The following FGGY variants were observed in gnomAD, a reference collection of about 807,000 sequenced individuals.
The protein encoded by FGGY is FGGY carbohydrate kinase domain-containing protein.
A neutral mutation model predicts 71.3 loss-of-function variants in FGGY; 72 were observed. The ratio of observed to expected loss-of-function variants is 1.01; its 90% CI spans 0.84 to 1.23. The LOEUF (loss-of-function observed/expected upper bound fraction) is 1.23. Among genes scored for constraint, FGGY ranks in the 50% most tolerant of loss-of-function variants. FGGY has a pLI of 0.00. For synonymous variants in FGGY, 251 were observed against 250.3 expected (o/e 1.00, Z -0.02); for missense variants, 668 against 682.3 (o/e 0.98, Z 0.23).
chr1:59,715,129 A>G (rs1447947177), intron 14 of FGGY, among the ~76,000 whole-genome samples: 1 of 152,208 alleles, frequency 6.6e-6, no homozygotes, highest in African/African-American at 2.4e-5. Flanking sequence ...TGGGTTTGTT[A>G]AGAGTCAGGG....
intron 4 of FGGY, among the ~76,000 whole-genome samples, chr1:59,369,234 T>TA (rs748883104): frequency 1.6e-4 from 24 of 152,114 alleles, no homozygotes; most frequent in Non-Finnish European, 3.4e-4. Flanking sequence ...CCGACGGGCT[T>TA]AAAAAACGGC....
intron 8 of FGGY, among the ~76,000 whole-genome samples, chr1:59,595,478 C>T (rs1258614238): frequency 6.6e-6 from 1 of 152,124 alleles, no homozygotes; most frequent in East Asian, 1.9e-4. Context: ...ATCACAAGGT[C>T]AGGAGTTCGA....
At chr1:59,726,309 A>C (rs1312504143) in intron 14 of FGGY, among the ~76,000 whole-genome samples, 1 of 151,924 alleles carries the variant, frequency 6.6e-6, no homozygotes, top group Non-Finnish European at 1.5e-5. Flanking sequence ...TTCCTTTTAC[A>C]CGTTGTTGGA....
rs143134033 is a variant in FGGY at position 59,679,430 on chromosome 1, G to A, written c.1512+5297G>A. 6.0e-5 allele frequency among the ~76,000 whole-genome samples: 9 copies of A among 151,004 alleles called. No homozygotes were observed. In the East Asian group the frequency reaches 7.9e-4, roughly 13 times the overall value. ...AGAGGTTAGAAAAAACTGAAATACC[G>A]TAGATGTTCAGAAGTATGAAACCAT... On this transcript the variant is annotated intron_variant, in intron 14 of 15. Transcript: ENST00000303721.
intron 15 of FGGY, among the ~76,000 whole-genome samples, chr1:59,762,182 C>T (rs1057238623): frequency 8.0e-5 from 12 of 150,790 alleles, no homozygotes; most frequent in African/African-American, 1.2e-4. Flanking sequence ...CTCCGCCCCC[C>T]GGGTTCAAGC....
chr1:59,373,319 G>A (rs921477915), intron 4 of FGGY, among the ~76,000 whole-genome samples: 1 of 152,104 alleles, frequency 6.6e-6, no homozygotes, highest in African/African-American at 2.4e-5. Context: ...GCTTCAAAGA[G>A]AATAAAATAC....
rs552717545 is a variant in FGGY at position 59,380,880 on chromosome 1, T to C, written c.554+2043T>C. Among the ~76,000 whole-genome samples the C allele has an allele frequency of 3.8e-4, 57 of 151,708 alleles. 2 individuals are homozygous for C. The highest frequency in any genetic ancestry group is 1.3e-3 in the African/African-American group (53 of 40,942). On this transcript the variant is annotated intron_variant, in intron 5 of 15. Transcript: ENST00000303721. ...GAAGTCCTTGCCCATGCCTATGTCC[T>C]GAATGGTATTGCCTGGCTTTCTTCT...
At chr1:59,664,362 G>A (rs1466976533) in intron 12 of FGGY, among the ~76,000 whole-genome samples, 2 of 152,196 alleles carry the variant, frequency 1.3e-5, no homozygotes, top group Non-Finnish European at 2.9e-5. Flanking sequence ...AGACTGAGTG[G>A]GAAATTCCAG....
chr1:59,632,685 A>G (rs888184226), intron 10 of FGGY, among the ~76,000 whole-genome samples: 1 of 152,204 alleles, frequency 6.6e-6, no homozygotes. Context: ...TTAATTCTAG[A>G]TGAGGAAATG....
intron 14 of FGGY, among the ~76,000 whole-genome samples, chr1:59,698,442 A>G (rs1163827311): frequency 6.6e-6 from 1 of 151,424 alleles, no homozygotes; most frequent in African/African-American, 2.4e-5. Flanking sequence ...CTCCCCTCCA[A>G]CCCCCACACC....
Position 59,380,619 on chromosome 1 carries a change from CTT to C in FGGY, c.554+1784_554+1785del, listed in dbSNP as rs2153345092. The stretch of plus-strand genomic sequence containing the variant: ...CTTTTGAGAAGTGTCTGTTCATATC[CTT>C]TGCCCCCTTTTTGATGGGGTTGTGT... On this transcript the variant is annotated intron_variant, in intron 5 of 15. Coordinates refer to ENST00000303721, the MANE Select transcript of FGGY (RefSeq NM_018291.5). 3.3e-5 allele frequency among the ~76,000 whole-genome samples: 5 copies of C among 151,652 alleles called. No individual in the cohort carries two copies. The South Asian group carries it at 1.0e-3, about 32-fold the overall frequency.
intron 10 of FGGY, among the ~76,000 whole-genome samples, chr1:59,627,723 A>G (rs958945151): frequency 2.0e-5 from 3 of 151,918 alleles, no homozygotes; most frequent in Non-Finnish European, 4.4e-5. Flanking sequence ...GGCTGAGTCT[A>G]CGCTGCGGCA....
At chr1:59,406,262 C>T (rs141218226) in intron 5 of FGGY, among the ~76,000 whole-genome samples, 7 of 151,062 alleles carry the variant, frequency 4.6e-5, no homozygotes, top group South Asian at 2.1e-4. Flanking sequence ...TCTCGTCATG[C>T]GTGTTCCTAG....
At chr1:59,497,695 G>C (rs2094085421) in intron 6 of FGGY, among the ~76,000 whole-genome samples, 1 of 152,182 alleles carries the variant, frequency 6.6e-6, no homozygotes, top group African/African-American at 2.4e-5. Flanking sequence ...ATCCTCTGTT[G>C]CCAGTCTGTT....
chr1:59,757,990 AAAGT>A lies in FGGY; in HGVS notation c.1574+3_1574+6del, dbSNP rs1381399926. 2.5e-6 allele frequency: 4 copies of A among 1,611,500 alleles called. No individual in the cohort carries two copies. The highest frequency in any genetic ancestry group is 2.5e-6 in the Non-Finnish European group (3 of 1,178,140). The stretch of plus-strand genomic sequence containing the variant: ...TTGTGTTCCCGAGACTACAGGATAA[AAAGT>A]AAGTGTGTATTTTTTATATGTACAG... On this transcript the variant is annotated splice_donor_variant and coding_sequence_variant, in exon 15 of 16. Transcript: ENST00000303721. LOFTEE classifies it high-confidence loss of function.
In FGGY at chr1:59,346,297, C is replaced by A; in HGVS notation, c.364C>A (p.Gln122Lys). The part of the protein sequence containing the change: ...IMWLDHRAVS[Q>K]VNRINETKHS... ...GTGGCTGGACCATCGAGCAGTCAGTCAAGTTAACAGGATCAATGAGACCAA... is the reference window on the plus strand; with the variant it reads ...GTGGCTGGACCATCGAGCAGTCAGTAAAGTTAACAGGATCAATGAGACCAA... Residue 122 changes from glutamine to lysine, a missense_variant, in exon 4 of 16, where the codon CAA becomes AAA. This residue lies in a region of FGGY where 661 missense variants were observed against 661.6 expected (regional missense o/e 1.00). Transcript: ENST00000303721. 1 of 1,612,584 alleles carries A rather than the reference C, an allele frequency of 6.2e-7. No individual in the cohort carries two copies. Among genetic ancestry groups the A allele is most frequent in the Middle Eastern group, 1.9e-4 (1 of 5,130 alleles).
chr1:59,668,749 G>A (rs1393941874), intron 13 of FGGY, among the ~76,000 whole-genome samples: 6 of 152,070 alleles, frequency 3.9e-5, no homozygotes, highest in Non-Finnish European at 8.8e-5. Context: ...TTGGGAGGCC[G>A]AGGTGGGCGG....
intron 11 of FGGY, among the ~76,000 whole-genome samples, chr1:59,646,651 C>T (rs1323579268): frequency 6.6e-6 from 1 of 152,024 alleles, no homozygotes; most frequent in Non-Finnish European, 1.5e-5. Context: ...ACCTGATGCA[C>T]CAGGCACCAT....
rs142923608 is a variant in FGGY, at chr1:59,328,976, G to A, written c.201+7226G>A. On this transcript the variant is annotated intron_variant, in intron 2 of 15. Transcript: ENST00000303721. ...TTATCATAGCAGATATAATATTAAT[G>A]AAAGTTTGAAATATTATTAAGAATT... Among the ~76,000 whole-genome samples the A allele has an allele frequency of 6.1e-4, 93 of 152,288 alleles. No homozygotes were observed. The East Asian group carries it at 0.015, about 25-fold the overall frequency.
Sources: allele counts gnomAD v4.1 joint callset (sites outside exome capture counted in the v4.1 genomes callset), GRCh38; gene constraint gnomAD v4.1.1; regional missense constraint gnomAD v4.1.1; transcripts MANE v1.5; gene names NCBI Gene and HGNC (gene_info 2026-07-23, HGNC 2026-07-21).